Variants in ZC3H11A observed in about 807,000 individuals in gnomAD.
ZC3H11A encodes zinc finger CCCH-type containing 11A.
In ZC3H11A, 22 loss-of-function variants were observed where a neutral mutation model predicts 90.8. The ratio of observed to expected loss-of-function variants is 0.24; its 90% confidence interval spans 0.17 to 0.35. The LOEUF (loss-of-function observed/expected upper bound fraction) is 0.35, where lower values mean the gene tolerates loss of function less well. ZC3H11A is among the 10% of genes least tolerant of loss of function. The pLI is 1.00. For synonymous variants in ZC3H11A, 294 were observed against 339.8 expected (o/e 0.87, Z 1.48); for missense variants, 701 against 964.9 (o/e 0.73, Z 3.62).
At chr1:203,832,889 C>A (rs1177735341) in intron 9 of ZC3H11A, among the ~76,000 whole-genome samples, 1 of 152,170 alleles carries the variant, frequency 6.6e-6, no homozygotes, top group Non-Finnish European at 1.5e-5. Flanking sequence ...AGCTTTATAA[C>A]CAATTGGTTA....
chr1:203,799,260 C>A, intron 1 of ZC3H11A: 1 of 762,860 alleles, frequency 1.3e-6, no homozygotes, highest in Non-Finnish European at 2.3e-6. Flanking sequence ...TGGTTTTACC[C>A]ATGTGCCATG....
rs924145488 is a variant in ZC3H11A at position 203,802,196 on chromosome 1, C to T, written c.-966C>T. On this transcript the variant is annotated 5_prime_UTR_variant, in exon 2 of 18. The change creates a new upstream start codon in the 5' untranslated region. Transcript: ENST00000367210. Reference sequence around the variant, plus strand: ...TTTTTGGTTAAACACTCCCTGATGACGATGATGGATATATATACATACATC... The same window carrying T: ...TTTTTGGTTAAACACTCCCTGATGATGATGATGGATATATATACATACATC... The T allele has an allele frequency of 6.6e-6, 1 of 152,374 alleles. No homozygotes were observed. Among genetic ancestry groups the T allele is most frequent in the Non-Finnish European group, 1.5e-5 (1 of 68,004 alleles). 9.4% of individuals were successfully genotyped at this position (152,374 alleles called of 1,614,324 possible). A position where few individuals can be genotyped will look rare whatever the true frequency, so the allele number is the denominator to read the frequency against.
chr1:203,810,976 CA>C (rs879833403), intron 2 of ZC3H11A, among the ~76,000 whole-genome samples: 3,487 of 111,288 alleles, frequency 0.031, 88 homozygotes, highest in African/African-American at 0.095. Context: ...ACTAAAAATA[CA>C]AAAAAAAAAA....
chr1:203,843,123 C>G (rs1373664310), intron 12 of ZC3H11A, among the ~76,000 whole-genome samples: 2 of 152,048 alleles, frequency 1.3e-5, no homozygotes, highest in Non-Finnish European at 2.9e-5. Flanking sequence ...TGTATGCAAC[C>G]TGAATTATTC....
At chr1:203,796,691 A>G (rs374510554) in intron 1 of ZC3H11A, 9 of 375,020 alleles carry the variant, frequency 2.4e-5, no homozygotes, top group African/African-American at 1.7e-4. Context: ...TGCTATCTCT[A>G]TAGCGTACAA....
chr1:203,818,313 ACTT>A (rs1399126649), intron 3 of ZC3H11A, among the ~76,000 whole-genome samples: 1 of 152,174 alleles, frequency 6.6e-6, no homozygotes, highest in African/African-American at 2.4e-5. Flanking sequence ...TAACACTCCT[ACTT>A]GTCTTTTTCA....
intron 16 of ZC3H11A, 25 bp from the exon 17 acceptor site, chr1:203,851,032 A>T (rs1689126532): frequency 6.2e-7 from 1 of 1,612,792 alleles, no homozygotes; most frequent in African/African-American, 1.3e-5. Flanking sequence ...ACTCTCACTG[A>T]ATTACCTGAC....
chr1:203,803,327 G>A (rs1437072720), intron 2 of ZC3H11A, among the ~76,000 whole-genome samples: 1 of 151,898 alleles, frequency 6.6e-6, no homozygotes, highest in African/African-American at 2.4e-5. Context: ...GGGTAGCTGG[G>A]ATTACAGATG....
intron 4 of ZC3H11A, among the ~76,000 whole-genome samples, chr1:203,819,737 C>CTGGTCA (rs1677845145): frequency 6.7e-6 from 1 of 149,860 alleles, no homozygotes; most frequent in African/African-American, 2.5e-5. Flanking sequence ...TTTTGCCATG[C>CTGGTCA]TGGTCAGGCT....
In ZC3H11A at chr1:203,838,078, T is replaced by C; in HGVS notation, c.973+14T>C. The stretch of plus-strand genomic sequence containing the variant: ...CACCAAAGAAAGGTACCTGTGTTCT[T>C]ACATACTTTGTGTGTGTATGTAATT... On this transcript the variant is annotated intron_variant, in intron 11 of 17. Transcript: ENST00000367210. The C allele has an allele frequency of 6.2e-7, 1 of 1,612,418 alleles. No homozygotes were observed. Among genetic ancestry groups the C allele is most frequent in the Non-Finnish European group, 8.5e-7 (1 of 1,178,886 alleles).
chr1:203,850,939 T>A (rs979761233), intron 16 of ZC3H11A, 118 bp from the exon 17 acceptor site: 20 of 1,302,150 alleles, frequency 1.5e-5, no homozygotes, highest in Admixed American at 8.6e-5. Flanking sequence ...TATCGATTCT[T>A]AGATTCACAG....
chr1:203,850,650 T>C lies in ZC3H11A; in HGVS notation c.2075T>C (p.Leu692Pro). ...AAGCCACTCAGCTCCAGCAGTGTCCTACAGGAACCCCCAGCCAAAAAGGCA... is the reference window on the plus strand; with the variant it reads ...AAGCCACTCAGCTCCAGCAGTGTCCCACAGGAACCCCCAGCCAAAAAGGCA... ...AVKPLSSSSV[L>P]QEPPAKKAAV... Residue 692 changes from leucine (L) to proline (P), a missense_variant, in exon 16 of 18, where the codon CTA (leucine) becomes CCA (proline). Leu to Pro is a moderately conservative substitution (Grantham distance 98, BLOSUM62 -3). Transcript: ENST00000367210. 1.2e-6 allele frequency: 2 copies of C among 1,614,148 alleles called. No individual in the cohort carries two copies. Among genetic ancestry groups the C allele is most frequent in the South Asian group, 1.1e-5 (1 of 91,084 alleles).
At chr1:203,818,788 G>A in intron 4 of ZC3H11A, 99 bp downstream of exon 4, 3 of 1,561,372 alleles carry the variant, frequency 1.9e-6, no homozygotes, top group Non-Finnish European at 2.6e-6. Context: ...AATATATTAA[G>A]GCTGAGTGCA....
intron 1 of ZC3H11A, chr1:203,796,746 A>G (rs1452262679): frequency 5.4e-5 from 17 of 314,300 alleles, no homozygotes; most frequent in Non-Finnish European, 8.1e-5. Flanking sequence ...AAGTCTAAAA[A>G]TATCTGAAAA....
intron 4 of ZC3H11A, 23 bp from the exon 5 acceptor site, chr1:203,828,276 C>T: frequency 6.2e-7 from 1 of 1,613,608 alleles, no homozygotes; most frequent in South Asian, 1.1e-5. Context: ...TATTTGAAAG[C>T]AATGTGTTTT....
intron 2 of ZC3H11A, among the ~76,000 whole-genome samples, chr1:203,810,164 G>C (rs1416326610): frequency 4.0e-5 from 6 of 150,168 alleles, no homozygotes; most frequent in African/African-American, 1.5e-4. Context: ...TTTTTTAAGA[G>C]ATGAGGTCTG....
At chr1:203,842,924 CT>C (rs35820616) in intron 12 of ZC3H11A, among the ~76,000 whole-genome samples, 8 of 146,748 alleles carry the variant, frequency 5.5e-5, no homozygotes, top group East Asian at 2.0e-4. Context: ...AGCCTTCCGT[CT>C]TTTTTTTTTT....
chr1:203,825,578 G>A (rs1429757648), intron 4 of ZC3H11A, among the ~76,000 whole-genome samples: 1 of 151,948 alleles, frequency 6.6e-6, no homozygotes, highest in African/African-American at 2.4e-5. Context: ...GGGACTACAG[G>A]CGCCCTCCAC....
intron 2 of ZC3H11A, among the ~76,000 whole-genome samples, chr1:203,810,545 G>C (rs1335933358): frequency 1.3e-5 from 2 of 151,228 alleles, no homozygotes; most frequent in African/African-American, 4.9e-5. Flanking sequence ...TCAGCCTCCA[G>C]AGTAGCTGGG....
Sources: gnomAD v4.1 joint callset for allele counts (sites outside exome capture counted in the v4.1 genomes callset) on GRCh38, gnomAD v4.1.1 for gene constraint, MANE v1.5 for transcripts, NCBI Gene and HGNC (gene_info 2026-07-23, HGNC 2026-07-21) for gene names.